Variants in PAN3 observed in about 807,000 individuals in gnomAD.
The protein encoded by PAN3 is poly(A) specific ribonuclease subunit PAN3.
A neutral mutation model predicts 96.2 loss-of-function variants in PAN3; 19 were observed. The observed-to-expected ratio is 0.20, with a 90% CI of 0.14 to 0.29. The LOEUF (loss-of-function observed/expected upper bound fraction) is 0.29. Ranked by LOEUF, PAN3 falls within the 10% of genes least tolerant of loss-of-function variation. The pLI is 1.00. For missense variants in PAN3, 882 were observed against 1,108.1 expected (o/e 0.80, Z 2.90); for synonymous variants, 433 against 406.6 (o/e 1.06, Z -0.78).
At chr13:28,160,969 AT>A (rs926765060) in intron 1 of PAN3, among the ~76,000 whole-genome samples, 3 of 152,206 alleles carry the variant, frequency 2.0e-5, no homozygotes, top group African/African-American at 7.2e-5. Context: ...AATCCTTGTA[AT>A]AATTTCTTCG....
chr13:28,201,092 A>G (rs1386877207), intron 5 of PAN3, among the ~76,000 whole-genome samples: 2 of 151,706 alleles, frequency 1.3e-5, no homozygotes, highest in Non-Finnish European at 2.9e-5. Context: ...GAATGCAGTA[A>G]TGCAATCATG....
chr13:28,291,287 AAAAT>A (rs1467433025), intron 18 of PAN3, among the ~76,000 whole-genome samples: 1 of 152,198 alleles, frequency 6.6e-6, no homozygotes, highest in Non-Finnish European at 1.5e-5. Context: ...GAAAATAACA[AAAAT>A]AAAGTGAAAA....
chr13:28,139,326 G>GGACTGGGGTGATGT lies in PAN3; in HGVS notation c.430+242_430+255dup, dbSNP rs1223179608. On this transcript the variant is annotated intron_variant, in intron 1 of 18. Coordinates refer to ENST00000380958, the MANE Select transcript of PAN3 (RefSeq NM_175854.8). The stretch of plus-strand genomic sequence containing the variant: ...TGGGTTCCCGGGAACGTGGGTGGGA[G>GGACTGGGGTGATGT]GACTGGGGTGATGTGAAGGGGGGGC... Among the ~76,000 whole-genome samples the GGACTGGGGTGATGT allele has an allele frequency of 4.0e-5, 6 of 149,322 alleles. No homozygotes were observed. In the East Asian group the frequency reaches 1.2e-3, roughly 31 times the overall value.
intron 6 of PAN3, among the ~76,000 whole-genome samples, chr13:28,244,492 A>AG (rs1883987347): frequency 6.6e-6 from 1 of 152,148 alleles, no homozygotes; most frequent in African/African-American, 2.4e-5. Context: ...CTGATTATTG[A>AG]GCAGGTCATC....
At chr13:28,158,906 TA>T (rs1872557473) in intron 1 of PAN3, among the ~76,000 whole-genome samples, 1 of 150,746 alleles carries the variant, frequency 6.6e-6, no homozygotes, top group Non-Finnish European at 1.5e-5. Flanking sequence ...TCAACGTCAC[TA>T]ATCATTAGAG....
chr13:28,177,661 A>G (rs1281717219), intron 3 of PAN3, among the ~76,000 whole-genome samples: 1 of 152,202 alleles, frequency 6.6e-6, no homozygotes, highest in African/African-American at 2.4e-5. Flanking sequence ...ATCCTGATCC[A>G]TATAGCTTTT....
intron 6 of PAN3, among the ~76,000 whole-genome samples, chr13:28,237,359 G>T (rs1883207751): frequency 6.6e-6 from 1 of 152,104 alleles, no homozygotes; most frequent in African/African-American, 2.4e-5. Flanking sequence ...AGATGGGTTG[G>T]AACCTAACTA....
intron 6 of PAN3, among the ~76,000 whole-genome samples, chr13:28,240,562 A>G (rs1009727365): frequency 1.3e-5 from 2 of 152,230 alleles, no homozygotes; most frequent in African/African-American, 4.8e-5. Flanking sequence ...TTCTTTAAAT[A>G]TCTTTGATTG....
At chr13:28,266,619 A>G (rs1438152894) in intron 9 of PAN3, 96 bp from the exon 10 acceptor site, 1 of 962,618 alleles carries the variant, frequency 1.0e-6, no homozygotes, top group Non-Finnish European at 1.5e-6. Flanking sequence ...ATTGTGATAC[A>G]CAAGGGGTTT....
intron 4 of PAN3, among the ~76,000 whole-genome samples, chr13:28,194,466 A>ATATAT (rs1429166016): frequency 9.0e-5 from 11 of 122,118 alleles, no homozygotes; most frequent in African/African-American, 3.3e-4. Flanking sequence ...ATATATATAT[A>ATATAT]TTTTTTTTTT....
intron 5 of PAN3, among the ~76,000 whole-genome samples, chr13:28,209,376 A>G (rs1372941965): frequency 2.0e-5 from 3 of 152,190 alleles, no homozygotes; most frequent in Non-Finnish European, 2.9e-5. Flanking sequence ...GCATTCCCCC[A>G]TTCCCTCTCA....
intron 6 of PAN3, among the ~76,000 whole-genome samples, chr13:28,233,207 G>A (rs979054672): frequency 6.6e-6 from 1 of 151,760 alleles, no homozygotes; most frequent in African/African-American, 2.4e-5. Context: ...TCATATAGAG[G>A]AGAAGGGATT....
intron 6 of PAN3, among the ~76,000 whole-genome samples, chr13:28,254,472 G>A (rs1170206753): frequency 6.6e-6 from 1 of 152,008 alleles, no homozygotes; most frequent in African/African-American, 2.4e-5. Flanking sequence ...TGGTTACTTG[G>A]CCAGTTTATT....
intron 6 of PAN3, among the ~76,000 whole-genome samples, chr13:28,233,370 G>A (rs768815085): frequency 3.3e-5 from 5 of 151,312 alleles, no homozygotes; most frequent in Admixed American, 6.6e-5. Flanking sequence ...GGGCTCAAGC[G>A]ATTCTCCTGC....
At chr13:28,187,908 G>C (rs994712865) in intron 4 of PAN3, among the ~76,000 whole-genome samples, 1 of 152,038 alleles carries the variant, frequency 6.6e-6, no homozygotes, top group East Asian at 1.9e-4. Flanking sequence ...TGCCCAGGCT[G>C]GTCTTGAACT....
intron 5 of PAN3, among the ~76,000 whole-genome samples, chr13:28,204,669 G>T (rs766322168): frequency 6.6e-6 from 1 of 152,120 alleles, no homozygotes; most frequent in Admixed American, 6.5e-5. Context: ...ACAACTTAAT[G>T]TGTTTTTTCC....
intron 6 of PAN3, among the ~76,000 whole-genome samples, chr13:28,240,212 A>C (rs1883529469): frequency 6.6e-6 from 1 of 152,132 alleles, no homozygotes; most frequent in Non-Finnish European, 1.5e-5. Flanking sequence ...GCTTTTAAAA[A>C]TCAATCTTTG....
intron 4 of PAN3, among the ~76,000 whole-genome samples, chr13:28,184,365 G>A (rs570832933): frequency 6.6e-6 from 1 of 152,200 alleles, no homozygotes; most frequent in South Asian, 2.1e-4. Context: ...TTGGGAAATA[G>A]AAGTTTGAGA....
At chr13:28,141,003 C>CTTTTTTTTTTTTT (rs979248659) in intron 1 of PAN3, among the ~76,000 whole-genome samples, 11 of 112,944 alleles carry the variant, frequency 9.7e-5, no homozygotes, top group East Asian at 3.1e-4. Flanking sequence ...GAAAGAGACA[C>CTTTTTTTTTTTTT]TTTTTTTTTT....
Sources: gnomAD v4.1 joint callset for allele counts (sites outside exome capture counted in the v4.1 genomes callset) on GRCh38, gnomAD v4.1.1 for gene constraint, MANE v1.5 for transcripts, NCBI Gene and HGNC (gene_info 2026-07-23, HGNC 2026-07-21) for gene names.